The following CEP63 variants were observed in gnomAD, a reference collection of about 807,000 sequenced individuals.
CEP63 encodes centrosomal protein 63.
A neutral mutation model predicts 89.1 loss-of-function variants in CEP63; 84 were observed. The ratio of observed to expected loss-of-function variants is 0.94; its 90% CI spans 0.79 to 1.13. CEP63 has a LOEUF of 1.13. Among genes scored for constraint, CEP63 ranks in the 50% most tolerant of loss-of-function variants. CEP63 has a pLI of 0.00. For missense variants in CEP63, 838 were observed against 813.3 expected (o/e 1.03, Z -0.37); for synonymous variants, 267 against 272.5 (o/e 0.98, Z 0.20).
chr3:134,702,720 T>C, the CEP63 span, among the ~76,000 whole-genome samples: 1 of 151,970 alleles, frequency 6.6e-6, no homozygotes, highest in Non-Finnish European at 1.5e-5. Flanking sequence ...TAAATAAAGC[T>C]CAACATCACT....
intron 2 of CEP63, among the ~76,000 whole-genome samples, chr3:134,498,980 A>G (rs2108178313): frequency 6.6e-6 from 1 of 152,232 alleles, no homozygotes; most frequent in East Asian, 1.9e-4. Flanking sequence ...TTCATCAGGG[A>G]TATTGGCATG....
At chr3:134,732,493 G>A in the CEP63 span, among the ~76,000 whole-genome samples, 28 of 151,966 alleles carry the variant, frequency 1.8e-4, no homozygotes, top group Admixed American at 1.8e-3. Flanking sequence ...GAAGAAAAAG[G>A]CAATAGAATT....
chr3:134,561,492 G>C lies in CEP63; in HGVS notation c.2069G>C (p.Arg690Thr). Residue 690 changes from arginine (R) to threonine (T), a missense_variant, in exon 15 of 15, where the codon AGA becomes ACA. Coordinates refer to ENST00000675561, the MANE Select transcript of CEP63 (RefSeq NM_001353108.3). ...RLDAHIEELK[R>T]ESEKTVRQFT... Reference sequence around the variant, plus strand: ...GATGCCCATATTGAAGAACTAAAAAGAGAGAGTGAAAAGACAGTGAGACAA... The same window carrying C: ...GATGCCCATATTGAAGAACTAAAAACAGAGAGTGAAAAGACAGTGAGACAA... 1.9e-6 allele frequency: 3 copies of C among 1,613,922 alleles called. No individual in the cohort carries two copies. The highest frequency in any genetic ancestry group is 1.7e-4 in the Middle Eastern group (1 of 6,060).
In CEP63 at chr3:134,545,759, T is replaced by G; in HGVS notation, c.729T>G (p.Thr243=). 1 of 1,614,106 alleles carries G rather than the reference T, an allele frequency of 6.2e-7. No individual in the cohort carries two copies. The highest frequency in any genetic ancestry group is 1.1e-5 in the South Asian group (1 of 91,064). The change falls in exon 7 of 15, where the codon ACT becomes ACG. Residue 243 remains threonine, a synonymous_variant. Transcript: ENST00000675561. ...RVNDLVGTSM[T]VLQEQQQKEE... is the part of the protein sequence containing the mutation. ...ATGACTTGGTTGGAACCAGTATGAC[T>G]GTCCTACAGGAGCAGCAGCAAAAAG...
the CEP63 span, among the ~76,000 whole-genome samples, chr3:134,686,215 C>T: frequency 6.6e-6 from 1 of 152,206 alleles, no homozygotes. Context: ...CCTAGATAAT[C>T]CCCCAAACTG....
chr3:134,705,193 C>T, the CEP63 span, among the ~76,000 whole-genome samples: 1 of 152,154 alleles, frequency 6.6e-6, no homozygotes, highest in East Asian at 1.9e-4. Flanking sequence ...TTTCTTAGCT[C>T]ACAGTTCTGT....
chr3:134,598,522 T>C, the CEP63 span, among the ~76,000 whole-genome samples: 7 of 152,312 alleles, frequency 4.6e-5, no homozygotes, highest in Non-Finnish European at 4.4e-5. Context: ...TGGGAGGCCA[T>C]TGTGGACAGT....
chr3:134,680,678 C>A, the CEP63 span, among the ~76,000 whole-genome samples: 1 of 152,208 alleles, frequency 6.6e-6, no homozygotes, highest in Non-Finnish European at 1.5e-5. Flanking sequence ...CCCCCACCAA[C>A]CTCTTCCTAT....
the CEP63 span, among the ~76,000 whole-genome samples, chr3:134,767,131 G>A: frequency 6.6e-6 from 1 of 152,164 alleles, no homozygotes; most frequent in Non-Finnish European, 1.5e-5. Flanking sequence ...GGGCTGAGCT[G>A]TGAAGAGACG....
At chr3:134,488,520 A>C (rs1386564404) in intron 1 of CEP63, among the ~76,000 whole-genome samples, 1 of 151,340 alleles carries the variant, frequency 6.6e-6, no homozygotes, top group Non-Finnish European at 1.5e-5. Flanking sequence ...GAGGCAGGAG[A>C]ATCACGTGAA....
chr3:134,610,403 T>G, the CEP63 span: 1 of 1,598,876 alleles, frequency 6.3e-7, no homozygotes, highest in Non-Finnish European at 8.5e-7. Flanking sequence ...GGACAGGGGG[T>G]CTGAGAGGGG....
chr3:134,504,049 C>G (rs1942820862), intron 2 of CEP63, among the ~76,000 whole-genome samples: 1 of 150,706 alleles, frequency 6.6e-6, no homozygotes, highest in African/African-American at 2.4e-5. Flanking sequence ...TTCTGGTGGT[C>G]TTGTATATCC....
At chr3:134,524,958 A>G (rs532968527) in intron 3 of CEP63, among the ~76,000 whole-genome samples, 2 of 152,336 alleles carry the variant, frequency 1.3e-5, no homozygotes, top group South Asian at 4.1e-4. Context: ...CAGGAATGGT[A>G]CCAGCTCTTC....
At chr3:134,524,420 A>G (rs1464493352) in intron 3 of CEP63, among the ~76,000 whole-genome samples, 5 of 152,294 alleles carry the variant, frequency 3.3e-5, no homozygotes, top group East Asian at 3.9e-4. Flanking sequence ...TTCTAAAACT[A>G]TGTTGAATAG....
chr3:134,700,032 A>C, the CEP63 span, among the ~76,000 whole-genome samples: 2 of 152,240 alleles, frequency 1.3e-5, no homozygotes, highest in African/African-American at 4.8e-5. Flanking sequence ...CTGAACTTGC[A>C]TGATGCCAAG....
At chr3:134,586,682 T>C (rs1316326526) in intron 10 of CEP63, among the ~76,000 whole-genome samples, 1 of 152,168 alleles carries the variant, frequency 6.6e-6, no homozygotes, top group East Asian at 1.9e-4. Flanking sequence ...GGGTTGCTCT[T>C]CTCGAGGAGT....
the CEP63 span, among the ~76,000 whole-genome samples, chr3:134,659,887 T>C: frequency 1.3e-5 from 2 of 152,184 alleles, no homozygotes; most frequent in African/African-American, 4.8e-5. Flanking sequence ...CGGGAGATTT[T>C]TCAGTGTCAG....
chr3:134,574,926 T>C (rs1466817080), exon 12 of CEP63: 3 of 493,254 alleles, frequency 6.1e-6, no homozygotes, highest in Non-Finnish European at 1.1e-5. Context: ...TTTTAACAAT[T>C]TGTCAATGAA....
chr3:134,763,598 C>T, the CEP63 span, among the ~76,000 whole-genome samples: 1 of 152,168 alleles, frequency 6.6e-6, no homozygotes, highest in Admixed American at 6.5e-5. Context: ...CATGGAGAAT[C>T]AGAGGGCTTG....
Sources: gnomAD v4.1 joint callset for allele counts (sites outside exome capture counted in the v4.1 genomes callset) on GRCh38, gnomAD v4.1.1 for gene constraint, MANE v1.5 for transcripts, NCBI Gene and HGNC (gene_info 2026-07-23, HGNC 2026-07-21) for gene names.